TRIP6: variants seen among roughly 807,000 people sequenced by gnomAD.
TRIP6 encodes the protein thyroid hormone receptor interactor 6.
A neutral mutation model predicts 51.9 loss-of-function variants in TRIP6; 33 were observed. That is an observed-to-expected ratio of 0.64 (90% CI 0.48 to 0.85). TRIP6 has a LOEUF of 0.85. Among genes scored for constraint, TRIP6 ranks in the 40% least tolerant of loss-of-function variants. The pLI is 0.00. For missense variants in TRIP6, 661 were observed against 652.1 expected (o/e 1.01, Z -0.15); for synonymous variants, 255 against 275.8 (o/e 0.92, Z 0.75).
intron 7 of TRIP6, among the ~76,000 whole-genome samples, chr7:100,872,386 C>CT (rs1416503621): frequency 6.6e-6 from 1 of 151,986 alleles, no homozygotes; most frequent in Non-Finnish European, 1.5e-5. Flanking sequence ...CTAGGCTGGT[C>CT]TTGAACGCCT....
Position 100,868,690 on chromosome 7 carries a change from G to A in TRIP6, c.559G>A (p.Gly187Arg), listed in dbSNP as rs1483387754. Residue 187 changes from glycine (G) to arginine (R), a missense_variant, in exon 4 of 9, where the codon GGA becomes AGA. Transcript: ENST00000200457. ...GAGGGGCTGCGGCCCACCCAGGCGG[G>A]GAGCCTCTCAGGCCTCTGGGCCCCT... is the stretch of plus-strand genomic sequence containing the variant. ...PVRGCGPPRR[G>R]ASQASGPLPG... The A allele has an allele frequency of 3.1e-6, 5 of 1,600,926 alleles. No homozygotes were observed. In the African/African-American group the frequency reaches 5.4e-5, roughly 17 times the overall value.
intron 6 of TRIP6, 63 bp from the exon 7 acceptor site, chr7:100,871,480 G>T (rs1419402674): frequency 1.2e-5 from 18 of 1,563,518 alleles, no homozygotes. Flanking sequence ...GGTTGCTGGG[G>T]TTCCTGTTGA....
Position 100,867,680 on chromosome 7 carries a change from C to A in TRIP6, c.109+74C>A. Reference sequence around the variant, plus strand: ...CCTCTGTCCTACCGCTCCAGCCTCCCGCCCTGGCTGCTTCCTCCTGCCCCT... The same window carrying A: ...CCTCTGTCCTACCGCTCCAGCCTCCAGCCCTGGCTGCTTCCTCCTGCCCCT... On this transcript the variant is annotated intron_variant, in intron 1 of 8. Transcript: ENST00000200457. This position sits in a 1 kb window ranked among gnomAD's most constrained non-coding sequence, Gnocchi z 5.4. 3 of 1,564,732 alleles carry A rather than the reference C, an allele frequency of 1.9e-6. No homozygotes were observed. The highest frequency in any genetic ancestry group is 2.6e-6 in the Non-Finnish European group (3 of 1,151,972).
At position 100,868,871 on chromosome 7, in the gene TRIP6, G is replaced by A. The variant is rs778966258; in HGVS notation, c.735+5G>A. 6.7e-7 allele frequency: 1 copy of A among 1,494,550 alleles called. No individual in the cohort carries two copies. The highest frequency in any genetic ancestry group is 8.9e-7 in the Non-Finnish European group (1 of 1,126,246). The allele number at this position is 1,494,550 out of a possible 1,614,324, so 92.6% of individuals were successfully genotyped here. A position where few individuals can be genotyped will look rare whatever the true frequency, so the allele number is the denominator to read the frequency against. ...GGAGGCGAGCACGGGCCCCAGGTGAGCCCTGGGGAACTGGGATTTCAGGCC... is the reference window on the plus strand; with the variant it reads ...GGAGGCGAGCACGGGCCCCAGGTGAACCCTGGGGAACTGGGATTTCAGGCC... On this transcript the variant is annotated splice_donor_5th_base_variant and intron_variant, in intron 4 of 8. Transcript: ENST00000200457.
At chr7:100,871,046 T>C (rs1331808356) in intron 6 of TRIP6, 1 of 568,926 alleles carries the variant, frequency 1.8e-6, no homozygotes, top group Admixed American at 2.2e-5. Flanking sequence ...TGTTTTTTGT[T>C]TTTTTTTGAG....
Position 100,867,897 on chromosome 7 carries a change from T to C in TRIP6, c.146T>C (p.Leu49Pro). 1 of 1,532,406 alleles carries C rather than the reference T, an allele frequency of 6.5e-7. No homozygotes were observed. The highest frequency in any genetic ancestry group is 1.3e-5 in the South Asian group (1 of 75,698). The allele number at this position is 1,532,406 out of a possible 1,614,324, so 94.9% of individuals were successfully genotyped here. The change falls in exon 2 of 9, where the codon CTT becomes CCT. Residue 49 changes from leucine to proline, a missense_variant. Coordinates refer to ENST00000200457, the MANE Select transcript of TRIP6 (RefSeq NM_003302.3). The surrounding 1 kb of genome is among the most constrained non-coding windows in gnomAD (Gnocchi z 5.4). ...CACCCCAGGGTCAATTTTTGCCCCC[T>C]TCCATCTGAGCAGTGTTACCAGGCC... ...QPHPRVNFCPLPSEQCYQAPG... is the reference protein window; with the variant it reads ...QPHPRVNFCPPPSEQCYQAPG...
chr7:100,872,924 C>G, intron 8 of TRIP6, 180 bp downstream of exon 8: 1 of 1,145,018 alleles, frequency 8.7e-7, no homozygotes, highest in Non-Finnish European at 1.2e-6. Flanking sequence ...AATCTTGGCT[C>G]ACTGCAACCT....
At position 100,868,986 on chromosome 7, in the gene TRIP6, T is replaced by G. The variant is rs376626926; in HGVS notation, c.735+120T>G. 5.3e-6 allele frequency: 7 copies of G among 1,310,192 alleles called. No homozygotes were observed. The East Asian group carries it at 9.0e-5, about 17-fold the overall frequency. The allele number at this position is 1,310,192 out of a possible 1,614,324, so 81.2% of individuals were successfully genotyped here. A position where few individuals can be genotyped will look rare whatever the true frequency, so the allele number is the denominator to read the frequency against. ...TTTGAGACAGAGTTTTGCTCTTGTT[T>G]GCCCAGGCTGGGGTGCAGTGGTGCC... On this transcript the variant is annotated intron_variant, in intron 4 of 8. Coordinates refer to ENST00000200457, the MANE Select transcript of TRIP6 (RefSeq NM_003302.3).
intron 4 of TRIP6, among the ~76,000 whole-genome samples, chr7:100,869,803 G>A (rs1040097814): frequency 6.8e-6 from 1 of 148,060 alleles, no homozygotes; most frequent in Non-Finnish European, 1.5e-5. Flanking sequence ...TCCATGGACT[G>A]GGGAGGGGGA....
Position 100,870,603 on chromosome 7 carries a change from G to T in TRIP6, c.859G>T (p.Val287Phe), listed in dbSNP as rs1196628099. 20 of 1,614,090 alleles carry T rather than the reference G, an allele frequency of 1.2e-5. No homozygotes were observed. The highest frequency in any genetic ancestry group is 1.6e-5 in the Non-Finnish European group (19 of 1,180,030). ...GQCGGCGEDV[V>F]GDGAGVVALD... is the part of the protein sequence containing the mutation. The stretch of plus-strand genomic sequence containing the variant: ...GTGTGGTGGCTGCGGAGAAGATGTG[G>T]TTGGGGATGGGGCTGGGGTTGTGGC... Residue 287 changes from valine to phenylalanine, a missense_variant, in exon 6 of 9, where the codon GTT (valine) becomes TTT (phenylalanine). Coordinates refer to ENST00000200457, the MANE Select transcript of TRIP6 (RefSeq NM_003302.3).
At chr7:100,868,052 G>A in intron 2 of TRIP6, 56 bp from the exon 3 acceptor site, 1 of 1,569,160 alleles carries the variant, frequency 6.4e-7, no homozygotes, top group Non-Finnish European at 8.6e-7. Flanking sequence ...GAGGGACCCA[G>A]GACAGGAGAA....
intron 6 of TRIP6, 124 bp from the exon 7 acceptor site, chr7:100,871,419 G>T: frequency 1.1e-6 from 1 of 946,238 alleles, no homozygotes; most frequent in Non-Finnish European, 1.6e-6. Context: ...GCCTTTCACC[G>T]AATCACATGC....
rs755085464 is a variant in TRIP6 at position 100,868,744 on chromosome 7, C to G, written c.613C>G (p.Arg205Gly). Residue 205 changes from arginine to glycine, a missense_variant, in exon 4 of 9, where the codon CGA becomes GGA. Arg to Gly is a moderately radical substitution (Grantham distance 125). Transcript: ENST00000200457. Reference protein sequence around the residue: ...LPGPHFPLPGRGEVWGPGYRS... With the variant: ...LPGPHFPLPGGGEVWGPGYRS... ...GGGCCCCCACTTTCCTCTCCCAGGCCGAGGTGAAGTCTGGGGGCCTGGCTA... is the reference window on the plus strand; with the variant it reads ...GGGCCCCCACTTTCCTCTCCCAGGCGGAGGTGAAGTCTGGGGGCCTGGCTA... 6 of 1,555,282 alleles carry G rather than the reference C, an allele frequency of 3.9e-6. No individual in the cohort carries two copies. The South Asian group carries it at 7.2e-5, about 19-fold the overall frequency.
At chr7:100,871,471 G>A in intron 6 of TRIP6, 72 bp from the exon 7 acceptor site, 5 of 1,525,118 alleles carry the variant, frequency 3.3e-6, no homozygotes, top group Non-Finnish European at 4.5e-6. Context: ...AGATGGCTGG[G>A]TTGCTGGGGT....
rs2115612299 is a variant in TRIP6 at position 100,867,808 on chromosome 7, C to T, written c.110-53C>T. On this transcript the variant is annotated intron_variant, in intron 1 of 8. Coordinates refer to ENST00000200457, the MANE Select transcript of TRIP6 (RefSeq NM_003302.3). This position sits in a 1 kb window ranked among gnomAD's most constrained non-coding sequence, Gnocchi z 5.4. ...CGGAGAGGGTGGCTCCTCAAATATA[C>T]ACCCCTCCTGTCCTCCGCCACCCCA... is the stretch of plus-strand genomic sequence containing the variant. 2 of 1,528,396 alleles carry T rather than the reference C, an allele frequency of 1.3e-6. No individual in the cohort carries two copies. Among genetic ancestry groups the T allele is most frequent in the East Asian group, 2.4e-5 (1 of 42,348 alleles). The allele number at this position is 1,528,396 out of a possible 1,614,324, so 94.7% of individuals were successfully genotyped here. A position where few individuals can be genotyped will look rare whatever the true frequency, so the allele number is the denominator to read the frequency against.
intron 8 of TRIP6, 104 bp downstream of exon 8, chr7:100,872,848 C>CT: frequency 3.9e-6 from 5 of 1,281,278 alleles, no homozygotes; most frequent in East Asian, 2.6e-5. Flanking sequence ...CCTGTTGCTT[C>CT]TTTCTTTTTT....
intron 2 of TRIP6, 37 bp from the exon 3 acceptor site, chr7:100,868,071 G>A: frequency 6.2e-7 from 1 of 1,607,624 alleles, no homozygotes; most frequent in Non-Finnish European, 8.5e-7. Flanking sequence ...AAGGCCTATG[G>A]TGATTTGCAT....
chr7:100,872,557 TG>T, intron 7 of TRIP6, 66 bp from the exon 8 acceptor site: 1 of 1,598,044 alleles, frequency 6.3e-7, no homozygotes, highest in Non-Finnish European at 8.5e-7. Context: ...CCACCTTCTC[TG>T]GGTTCCATTG....
rs773919549 is a variant in TRIP6, at chr7:100,868,660, C to T, written c.529C>T (p.Pro177Ser). The change falls in exon 4 of 9, where the codon CCA (proline) becomes TCA (serine). Residue 177 changes from proline (P) to serine (S), a missense_variant. Physicochemically the swap from Pro to Ser is moderately conservative, Grantham distance 74 (BLOSUM62 -1). Transcript: ENST00000200457. The part of the protein sequence containing the change: ...AFPVQVKVAQ[P>S]VRGCGPPRRG... ...CCCCGTGCAAGTGAAGGTGGCACAG[C>T]CAGTGAGGGGCTGCGGCCCACCCAG... 6.2e-7 allele frequency: 1 copy of T among 1,609,314 alleles called. No individual in the cohort carries two copies. The highest frequency in any genetic ancestry group is 2.2e-5 in the East Asian group (1 of 44,770).
Sources: gnomAD v4.1 joint callset for allele counts (sites outside exome capture counted in the v4.1 genomes callset) on GRCh38, gnomAD v4.1.1 for gene constraint, Gnocchi (gnomAD v3.1) non-coding constraint, MANE v1.5 for transcripts, NCBI Gene and HGNC (gene_info 2026-07-23, HGNC 2026-07-21) for gene names.